Variants in TSHZ2 observed in about 807,000 individuals in gnomAD.
TSHZ2 encodes the protein teashirt zinc finger homeobox 2.
A neutral mutation model predicts 74.4 loss-of-function variants in TSHZ2; 21 were observed. The observed-to-expected ratio is 0.28, with a 90% CI of 0.20 to 0.41. TSHZ2 has a LOEUF of 0.41. Ranked by LOEUF, TSHZ2 falls within the 10% of genes least tolerant of loss-of-function variation. The pLI is 1.00. For missense variants in TSHZ2, 1,244 were observed against 1,293.5 expected (o/e 0.96, Z 0.59); for synonymous variants, 540 against 515.3 (o/e 1.05, Z -0.65).
At chr20:53,059,084 T>C (rs768653463) in intron 1 of TSHZ2, among the ~76,000 whole-genome samples, 3 of 152,142 alleles carry the variant, frequency 2.0e-5, no homozygotes, top group Non-Finnish European at 4.4e-5. Flanking sequence ...TGTCTGTAAA[T>C]GTGAGTAGTC....
intron 1 of TSHZ2, among the ~76,000 whole-genome samples, chr20:53,094,114 A>G (rs1985968013): frequency 6.6e-6 from 1 of 151,668 alleles, no homozygotes. Context: ...TTATTACTGT[A>G]TCGTCTGCAG....
rs149194011 is a variant in TSHZ2, at chr20:52,974,248, C to T, written c.40+915C>T. 5.9e-3 allele frequency among the ~76,000 whole-genome samples: 898 copies of T among 152,110 alleles called. 6 individuals carry two copies. Among genetic ancestry groups the T allele is most frequent in the African/African-American group, 0.021 (855 of 41,494 alleles). On this transcript the variant is annotated intron_variant, in intron 1 of 2. Coordinates refer to ENST00000371497, the MANE Select transcript of TSHZ2 (RefSeq NM_173485.6). The stretch of plus-strand genomic sequence containing the variant: ...CCAGACCCACCCACTGAAAAATCAG[C>T]TTTCCACTTGATTGCTAGTTTTGAT...
chr20:53,129,135 C>A (rs928747036), intron 1 of TSHZ2, among the ~76,000 whole-genome samples: 1 of 152,008 alleles, frequency 6.6e-6, no homozygotes, highest in African/African-American at 2.4e-5. Flanking sequence ...TTAGAAACAA[C>A]AACAATATCC....
At chr20:53,287,100 A>G (rs533731358) in intron 2 of TSHZ2, among the ~76,000 whole-genome samples, 70 of 152,216 alleles carry the variant, frequency 4.6e-4, no homozygotes, top group Non-Finnish European at 9.1e-4. Context: ...AGGGGCACCC[A>G]GTCTTGTCCT....
chr20:53,350,283 G>A (rs1183884301), intron 2 of TSHZ2, among the ~76,000 whole-genome samples: 1 of 152,210 alleles, frequency 6.6e-6, no homozygotes, highest in Non-Finnish European at 1.5e-5. Flanking sequence ...GTTCTCAGTG[G>A]AGGATATCAA....
chr20:53,056,499 C>A (rs1185944834), intron 1 of TSHZ2, among the ~76,000 whole-genome samples: 1 of 152,202 alleles, frequency 6.6e-6, no homozygotes, highest in Non-Finnish European at 1.5e-5. Context: ...ACTACAGGTT[C>A]AACTGACTTC....
At chr20:53,026,831 A>C (rs1345146662) in intron 1 of TSHZ2, among the ~76,000 whole-genome samples, 1 of 152,184 alleles carries the variant, frequency 6.6e-6, no homozygotes, top group Non-Finnish European at 1.5e-5. Context: ...GTAGAAGCTT[A>C]GTTTTAATAA....
At chr20:53,106,938 T>G (rs1436252304) in intron 1 of TSHZ2, among the ~76,000 whole-genome samples, 1 of 151,956 alleles carries the variant, frequency 6.6e-6, no homozygotes, top group African/African-American at 2.4e-5. Flanking sequence ...CCTCAAGTGA[T>G]CCGCCCACCT....
chr20:53,479,367 C>T (rs1986085056), intron 2 of TSHZ2, among the ~76,000 whole-genome samples: 1 of 152,068 alleles, frequency 6.6e-6, no homozygotes, highest in Non-Finnish European at 1.5e-5. Flanking sequence ...ATATGGACCA[C>T]CCTCAGAGTA....
At chr20:53,001,515 G>A (rs1445626852) in intron 1 of TSHZ2, among the ~76,000 whole-genome samples, 2 of 152,026 alleles carry the variant, frequency 1.3e-5, no homozygotes, top group African/African-American at 4.8e-5. Context: ...TAGGAGAAAG[G>A]AAGACCCCTT....
chr20:53,182,247 T>TCTTTC (rs537704203), intron 1 of TSHZ2, among the ~76,000 whole-genome samples: 183 of 145,190 alleles, frequency 1.3e-3, no homozygotes, highest in Middle Eastern at 3.5e-3. Flanking sequence ...CTTCCTTCCT[T>TCTTTC]CTATCATTTT....
intron 1 of TSHZ2, among the ~76,000 whole-genome samples, chr20:53,161,767 A>T (rs1486266398): frequency 1.3e-5 from 2 of 152,232 alleles, no homozygotes; most frequent in Admixed American, 6.5e-5. Context: ...TTATAATTCC[A>T]GGTGATATTT....
At chr20:53,258,432 G>T (rs1355395365) in intron 2 of TSHZ2, among the ~76,000 whole-genome samples, 5 of 152,182 alleles carry the variant, frequency 3.3e-5, no homozygotes, top group African/African-American at 1.2e-4. Flanking sequence ...ATAGTGGTGG[G>T]TTGAAACCAT....
chr20:52,991,247 TGG>T (rs1391992090), intron 1 of TSHZ2, among the ~76,000 whole-genome samples: 4 of 148,924 alleles, frequency 2.7e-5, no homozygotes, highest in African/African-American at 9.9e-5. Flanking sequence ...GTGTGTGTTG[TGG>T]GGGGAGAGAG....
chr20:53,302,336 CTA>C (rs1418781192), intron 2 of TSHZ2, among the ~76,000 whole-genome samples: 1 of 152,142 alleles, frequency 6.6e-6, no homozygotes, highest in Non-Finnish European at 1.5e-5. Flanking sequence ...ATGAAATTCT[CTA>C]TGATAATCCA....
Position 53,490,303 on chromosome 20 carries a change from T to C in TSHZ2, c.*3168T>C, listed in dbSNP as rs1986413856. On this transcript the variant is annotated 3_prime_UTR_variant, in exon 3 of 3. Coordinates refer to ENST00000371497, the MANE Select transcript of TSHZ2 (RefSeq NM_173485.6). ...AAATGATATTTATTTAGCAAATTCA[T>C]TTAACAAATATTATTGGGCACCTGT... is the stretch of plus-strand genomic sequence containing the variant. The C allele has an allele frequency of 6.6e-6, 1 of 152,222 alleles. No individual in the cohort carries two copies. The highest frequency in any genetic ancestry group is 1.5e-5 in the Non-Finnish European group (1 of 68,046). The allele number at this position is 152,222 out of a possible 1,614,324, so 9.4% of individuals were successfully genotyped here.
chr20:53,051,694 A>T (rs1312168442), intron 1 of TSHZ2, among the ~76,000 whole-genome samples: 1 of 152,226 alleles, frequency 6.6e-6, no homozygotes, highest in East Asian at 1.9e-4. Flanking sequence ...AGAGCCACAG[A>T]AGTGGAAAAT....
At chr20:53,242,818 C>T (rs1001688610) in intron 1 of TSHZ2, among the ~76,000 whole-genome samples, 6 of 152,202 alleles carry the variant, frequency 3.9e-5, no homozygotes, top group Admixed American at 2.0e-4. Flanking sequence ...CATTCATTCA[C>T]TTATGGGTCC....
At chr20:53,352,827 C>T (rs1430433324) in intron 2 of TSHZ2, among the ~76,000 whole-genome samples, 2 of 149,264 alleles carry the variant, frequency 1.3e-5, no homozygotes, top group Admixed American at 6.6e-5. Context: ...TAGGCATCAA[C>T]TTCGGAGAGG....
Sources: gnomAD v4.1 joint callset for allele counts (sites outside exome capture counted in the v4.1 genomes callset) on GRCh38, gnomAD v4.1.1 for gene constraint, MANE v1.5 for transcripts, NCBI Gene and HGNC (gene_info 2026-07-23, HGNC 2026-07-21) for gene names.